The following RCVRN variants were observed in gnomAD, a reference collection of about 807,000 sequenced individuals.
RCVRN encodes cancer associated retinopathy antigen.
RCVRN carries 23 observed loss-of-function variants against 20.4 expected under a neutral mutation model. The observed-to-expected ratio is 1.13, with a 90% CI of 0.81 to 1.60. The LOEUF (loss-of-function observed/expected upper bound fraction) is 1.60, where lower values mean the gene tolerates loss of function less well. Among genes scored for constraint, RCVRN ranks in the 40% most tolerant of loss-of-function variants. RCVRN has a pLI of 0.00. For synonymous variants in RCVRN, 105 were observed against 105.9 expected, an observed-to-expected ratio of 0.99 and a Z score of 0.05; for missense variants, 254 against 254.2, an observed-to-expected ratio of 1.00 and a Z score of 0.00.
rs150159863 is a variant in RCVRN, at chr17:9,897,982, ATG to A, written c.*111_*112del. On this transcript the variant is annotated 3_prime_UTR_variant, in exon 3 of 3. Transcript: ENST00000226193. ...GGCCTTTCTCTTGGCCCTGGGGTGG[ATG>A]TGTGTGTGTGTGTGTGCGCGCGCGT... The A allele has an allele frequency of 0.038, 21,696 of 571,472 alleles. 1 individual carries two copies. Among genetic ancestry groups the A allele is most frequent in the South Asian group, 0.057 (2,606 of 45,528 alleles). 35.4% of individuals were successfully genotyped at this position (571,472 alleles called of 1,614,324 possible).
Position 9,904,900 on chromosome 17 carries a change from GT to G in RCVRN, c.280del (p.Thr94ProfsTer39). The G allele has an allele frequency of 6.2e-7, 1 of 1,614,220 alleles. No individual in the cohort carries two copies. Among genetic ancestry groups the G allele is most frequent in the Non-Finnish European group, 8.5e-7 (1 of 1,180,028 alleles). On this transcript the variant is annotated frameshift_variant, in exon 1 of 3. Coordinates refer to ENST00000226193, the MANE Select transcript of RCVRN (RefSeq NM_002903.3). This position sits in a 1 kb window ranked among gnomAD's most constrained non-coding sequence, Gnocchi z 5.8. ...CAGCTTCTGGTTGGTCTTGCCCGCG[GT>G]GGTCATGTGCAGGGCGATGACGTAC... The part of the protein sequence containing the change: ...KEYVIALHMT[T>X]AGKTNQKLEW...
rs1332372352 is a variant in RCVRN, at chr17:9,899,705, G to A, written c.493+1284C>T. Among the ~76,000 whole-genome samples, 1 of 152,172 alleles carries A rather than the reference G, an allele frequency of 6.6e-6. No individual in the cohort carries two copies. The highest frequency in any genetic ancestry group is 1.5e-5 in the Non-Finnish European group (1 of 68,028). Reference sequence around the variant, plus strand: ...AAAGGTGGGTAAAGTACCAAGGCGCGAATTTAAGGAGGCGCTCACTTTCAG... The same window carrying A: ...AAAGGTGGGTAAAGTACCAAGGCGCAAATTTAAGGAGGCGCTCACTTTCAG... On this transcript the variant is annotated intron_variant, in intron 2 of 2. Coordinates refer to ENST00000226193, the MANE Select transcript of RCVRN (RefSeq NM_002903.3). This position sits in a 1 kb window ranked among gnomAD's most constrained non-coding sequence, Gnocchi z 4.6.
At position 9,904,603 on chromosome 17, in the gene RCVRN, G is replaced by T. The variant is rs1597416325; in HGVS notation, c.381+197C>A. ...AGGAAACACTCAGATTCTGCTCCGGGAAGACAACGAAGCTGTGGGCAAGTG... is the reference window on the plus strand; with the variant it reads ...AGGAAACACTCAGATTCTGCTCCGGTAAGACAACGAAGCTGTGGGCAAGTG... On this transcript the variant is annotated intron_variant, in intron 1 of 2. Coordinates refer to ENST00000226193, the MANE Select transcript of RCVRN (RefSeq NM_002903.3). The surrounding 1 kb of genome is among the most constrained non-coding windows in gnomAD (Gnocchi z 5.8). 6.6e-6 allele frequency among the ~76,000 whole-genome samples: 1 copy of T among 152,172 alleles called. No homozygotes were observed. The highest frequency in any genetic ancestry group is 2.4e-5 in the African/African-American group (1 of 41,444).
chr17:9,900,572 G>C (rs1332401794), intron 2 of RCVRN, among the ~76,000 whole-genome samples: 1 of 151,306 alleles, frequency 6.6e-6, no homozygotes, highest in East Asian at 1.9e-4. Context: ...AGCTTTCCCA[G>C]CCTCCTCTCG....
intron 2 of RCVRN, 122 bp downstream of exon 2, chr17:9,900,867 A>G: frequency 1.6e-6 from 1 of 623,638 alleles, no homozygotes; most frequent in Non-Finnish European, 2.8e-6. Context: ...AAAATGCACA[A>G]TGGAATGAGG....
Position 9,901,075 on chromosome 17 carries a change from T to G in RCVRN, c.407A>C (p.Glu136Ala), listed in dbSNP as rs2067339613. The G allele has an allele frequency of 6.2e-6, 10 of 1,603,908 alleles. No homozygotes were observed. The highest frequency in any genetic ancestry group is 8.5e-6 in the Non-Finnish European group (10 of 1,172,116). Residue 136 changes from glutamate (E) to alanine (A), a missense_variant, in exon 2 of 3, where the codon GAG becomes GCG. Transcript: ENST00000226193. ...VMAIFKMITP[E>A]DVKLLPDDEN... Reference sequence around the variant, plus strand: ...ATCGTCTGGAAGGAGCTTCACGTCCTCGGGAGTGATCATTTTGAAAATAGC... The same window carrying G: ...ATCGTCTGGAAGGAGCTTCACGTCCGCGGGAGTGATCATTTTGAAAATAGC...
intron 1 of RCVRN, among the ~76,000 whole-genome samples, chr17:9,901,539 G>A (rs1389293897): frequency 6.6e-6 from 1 of 152,178 alleles, no homozygotes; most frequent in East Asian, 1.9e-4. Flanking sequence ...ACAGCTTTGA[G>A]AAGTTTCCCT....
Position 9,905,205 on chromosome 17 carries a change from T to TG in RCVRN, c.-26dup, listed in dbSNP as rs1390988974. 6.4e-7 allele frequency: 1 copy of TG among 1,570,320 alleles called. No individual in the cohort carries two copies. Among genetic ancestry groups the TG allele is most frequent in the South Asian group, 1.2e-5 (1 of 85,364 alleles). ...TGAGTGAGGAAGAGTGGGCAGCGGC[T>TG]GGGGAGTCGCTGGGTGGGTGGGACG... On this transcript the variant is annotated 5_prime_UTR_variant, in exon 1 of 3. Transcript: ENST00000226193.
At chr17:9,900,361 TGACTGACAGGGCAGGGGCACCAA>T (rs1157982875) in intron 2 of RCVRN, among the ~76,000 whole-genome samples, 1 of 151,206 alleles carries the variant, frequency 6.6e-6, no homozygotes, top group Non-Finnish European at 1.5e-5. Context: ...TTCCAGCCAC[TGACTGACAGGGCAGGGGCACCAA>T]GACTGACAGG....
Position 9,899,766 on chromosome 17 carries a change from C to T in RCVRN, c.493+1223G>A, listed in dbSNP as rs947914731. ...TGCATTGTTGACCCCTGAGAACGAG[C>T]GCCTCCTTAAATTCTGTGTCCTATG... On this transcript the variant is annotated intron_variant, in intron 2 of 2. Coordinates refer to ENST00000226193, the MANE Select transcript of RCVRN (RefSeq NM_002903.3). The surrounding 1 kb of genome is among the most constrained non-coding windows in gnomAD (Gnocchi z 4.6). 2.0e-5 allele frequency among the ~76,000 whole-genome samples: 3 copies of T among 152,156 alleles called. No homozygotes were observed. Among genetic ancestry groups the T allele is most frequent in the South Asian group, 2.1e-4 (1 of 4,826 alleles).
In RCVRN at chr17:9,904,805, C is replaced by A. The variant is rs771263915; in HGVS notation, c.376G>T (p.Val126Phe). ...TISKNEVLEI[V>F]MAIFKMITPE... is the part of the protein sequence containing the mutation. ...AGGGGAGAGGGGAGACTGACCATGA[C>A]GATCTCCAGCACTTCATTCTTGCTG... The change falls in exon 1 of 3, where the codon GTC (valine) becomes TTC (phenylalanine). Residue 126 changes from valine (V) to phenylalanine (F), a missense_variant. By Grantham distance (50) the Val-to-Phe change is conservative. Transcript: ENST00000226193. The surrounding 1 kb of genome is among the most constrained non-coding windows in gnomAD (Gnocchi z 5.8). The A allele has an allele frequency of 1.2e-6, 2 of 1,613,096 alleles. No individual in the cohort carries two copies. The highest frequency in any genetic ancestry group is 4.5e-5 in the East Asian group (2 of 44,858).
In RCVRN at chr17:9,902,717, G is replaced by T. The variant is rs149192601; in HGVS notation, c.382-1617C>A. Among the ~76,000 whole-genome samples, 660 of 152,326 alleles carry T rather than the reference G, an allele frequency of 4.3e-3. 9 individuals are homozygous for T. The East Asian group carries it at 0.051, about 12-fold the overall frequency. Reference sequence around the variant, plus strand: ...AGCTATTAAAAGAGTTTTGGAAGAGGTTGGGTGCGGAAGCTCACGCCTGTA... The same window carrying T: ...AGCTATTAAAAGAGTTTTGGAAGAGTTTGGGTGCGGAAGCTCACGCCTGTA... On this transcript the variant is annotated intron_variant, in intron 1 of 2. Transcript: ENST00000226193.
At chr17:9,901,528 G>A (rs753001239) in intron 1 of RCVRN, among the ~76,000 whole-genome samples, 2 of 143,210 alleles carry the variant, frequency 1.4e-5, no homozygotes, top group Admixed American at 6.9e-5. Context: ...AGGGAAGGTC[G>A]ACAGCTTTGA....
intron 1 of RCVRN, among the ~76,000 whole-genome samples, chr17:9,903,001 A>T (rs1055140911): frequency 6.6e-6 from 1 of 152,198 alleles, no homozygotes; most frequent in Non-Finnish European, 1.5e-5. Flanking sequence ...AGAAAAAAAA[A>T]AAGTGTTTTG....
rs2067318364 is a variant in RCVRN, at chr17:9,896,677, T to C, written c.*1418A>G. The C allele has an allele frequency of 6.6e-6, 1 of 152,282 alleles. No homozygotes were observed. The highest frequency in any genetic ancestry group is 2.4e-5 in the African/African-American group (1 of 41,464). The allele number at this position is 152,282 out of a possible 1,614,324, so 9.4% of individuals were successfully genotyped here. A position where few individuals can be genotyped will look rare whatever the true frequency, so the allele number is the denominator to read the frequency against. ...GTAGCCCTTGCCTGACCTCTGCTCA[T>C]CAGCTGGCTGCCCTTGGGCAAGCTG... On this transcript the variant is annotated 3_prime_UTR_variant, in exon 3 of 3. Coordinates refer to ENST00000226193, the MANE Select transcript of RCVRN (RefSeq NM_002903.3).
chr17:9,904,757 G>T lies in RCVRN; in HGVS notation c.381+43C>A. On this transcript the variant is annotated intron_variant, in intron 1 of 2. Coordinates refer to ENST00000226193, the MANE Select transcript of RCVRN (RefSeq NM_002903.3). This position sits in a 1 kb window ranked among gnomAD's most constrained non-coding sequence, Gnocchi z 5.8. ...CAGCAGGGGACCCCCAGCCCGGAGC[G>T]ACCCCGGCACCGCCCAGCCAGAAGG... The T allele has an allele frequency of 6.3e-7, 1 of 1,581,220 alleles. No homozygotes were observed. The highest frequency in any genetic ancestry group is 1.2e-5 in the South Asian group (1 of 85,546).
At chr17:9,903,898 TCTAAACATAG>T (rs930142141) in intron 1 of RCVRN, among the ~76,000 whole-genome samples, 3 of 152,160 alleles carry the variant, frequency 2.0e-5, no homozygotes, top group African/African-American at 7.2e-5. Context: ...TATTTGTGCA[TCTAAACATAG>T]CTAAACATAG....
Position 9,905,016 on chromosome 17 carries a change from C to T in RCVRN, c.165G>A (p.Lys55=). The T allele has an allele frequency of 6.2e-7, 1 of 1,614,064 alleles. No individual in the cohort carries two copies. The stretch of plus-strand genomic sequence containing the variant: ...CCTTGGGGTCGGTGTCGGGGAAGAA[C>T]TTGGCGTAGATGCTCTGGAACTGCT... The part of the protein sequence containing the change: ...TQQQFQSIYA[K]FFPDTDPKAY... Residue 55 remains lysine (K), a synonymous_variant, in exon 1 of 3, where the codon AAG becomes AAA. Coordinates refer to ENST00000226193, the MANE Select transcript of RCVRN (RefSeq NM_002903.3).
chr17:9,901,891 A>T (rs1383806181), intron 1 of RCVRN, among the ~76,000 whole-genome samples: 1 of 152,226 alleles, frequency 6.6e-6, no homozygotes, highest in Non-Finnish European at 1.5e-5. Context: ...AGAACCCTTC[A>T]CTTTTAACTC....
Sources: allele counts gnomAD v4.1 joint callset (sites outside exome capture counted in the v4.1 genomes callset), GRCh38; gene constraint gnomAD v4.1.1; non-coding constraint Gnocchi (gnomAD v3.1); transcripts MANE v1.5; gene names NCBI Gene and HGNC (gene_info 2026-07-23, HGNC 2026-07-21).